Variants in ODAD2 observed in about 807,000 individuals in gnomAD.
ODAD2 encodes the protein outer dynein arm docking complex subunit 2, also known as outer dynein arm-docking complex subunit 2.
Under a neutral mutation model 106.8 loss-of-function variants are expected in ODAD2, and 89 were observed. That is an observed-to-expected ratio of 0.83 (90% CI 0.70 to 0.99). The LOEUF is 0.99. Ranked by LOEUF, ODAD2 falls within the 50% of genes least tolerant of loss-of-function variation. The pLI is 0.00. For synonymous variants in ODAD2, 404 were observed against 436.2 expected, an observed-to-expected ratio of 0.93 and a Z score of 0.92; for missense variants, 1,168 against 1,238.5, an observed-to-expected ratio of 0.94 and a Z score of 0.85.
chr10:27,859,715 C>T (rs1485775429), intron 19 of ODAD2, among the ~76,000 whole-genome samples: 1 of 152,152 alleles, frequency 6.6e-6, no homozygotes, highest in Non-Finnish European at 1.5e-5. Context: ...TACATGTGAG[C>T]TGTTCATGTA....
chr10:27,906,737 A>G (rs1051352254), intron 17 of ODAD2, among the ~76,000 whole-genome samples: 2 of 152,172 alleles, frequency 1.3e-5, no homozygotes, highest in Admixed American at 1.3e-4. Flanking sequence ...GCTGGAAACC[A>G]TCATTCTCAG....
chr10:27,909,817 G>GAAAAAAAAAAAAAAAAA (rs35449629), intron 16 of ODAD2, among the ~76,000 whole-genome samples: 4 of 56,384 alleles, frequency 7.1e-5, no homozygotes, highest in South Asian at 7.4e-4. Context: ...GTCTTCATTT[G>GAAAAAAAAAAAAAAAAA]AAAAAAAAAA....
chr10:27,987,366 G>A lies in ODAD2; in HGVS notation c.382+20C>T. Reference sequence around the variant, plus strand: ...ATTGTTTCTAAAAGTTCAAATCACAGACTGGAGCATTAAGATCACCTTCAA... The same window carrying A: ...ATTGTTTCTAAAAGTTCAAATCACAAACTGGAGCATTAAGATCACCTTCAA... On this transcript the variant is annotated intron_variant, in intron 3 of 19. Transcript: ENST00000305242. 6.2e-7 allele frequency: 1 copy of A among 1,605,256 alleles called. No homozygotes were observed. Among genetic ancestry groups the A allele is most frequent in the Non-Finnish European group, 8.5e-7 (1 of 1,175,742 alleles).
At chr10:27,942,825 C>T (rs1217268542) in intron 12 of ODAD2, among the ~76,000 whole-genome samples, 1 of 152,166 alleles carries the variant, frequency 6.6e-6, no homozygotes. Context: ...CATATTTCAC[C>T]ATCTATTCAT....
chr10:27,879,041 C>T (rs1290311061), intron 17 of ODAD2, among the ~76,000 whole-genome samples: 3 of 151,966 alleles, frequency 2.0e-5, no homozygotes, highest in South Asian at 2.1e-4. Flanking sequence ...AAATGCATTA[C>T]GTGTTGAGGG....
intron 16 of ODAD2, among the ~76,000 whole-genome samples, 195 bp downstream of exon 16, chr10:27,934,815 T>G (rs2134082813): frequency 6.6e-6 from 1 of 152,298 alleles, no homozygotes; most frequent in East Asian, 1.9e-4. Context: ...ATGACCAACT[T>G]AGCCCTCCAT....
At chr10:27,834,373 G>A (rs543665779) in intron 19 of ODAD2, among the ~76,000 whole-genome samples, 3 of 152,152 alleles carry the variant, frequency 2.0e-5, no homozygotes, top group Non-Finnish European at 2.9e-5. Flanking sequence ...TACAACCCGT[G>A]ACACCACAGG....
intron 17 of ODAD2, 121 bp from the exon 18 acceptor site, chr10:27,862,743 CTTAAT>C (rs1461880816): frequency 1.4e-5 from 8 of 569,790 alleles, no homozygotes; most frequent in African/African-American, 1.9e-5. Context: ...ACTACTTCAA[CTTAAT>C]TTATTTCTAT....
chr10:27,874,226 C>G (rs1841140774), intron 17 of ODAD2, among the ~76,000 whole-genome samples: 1 of 152,102 alleles, frequency 6.6e-6, no homozygotes, highest in African/African-American at 2.4e-5. Context: ...TCCTCCATAC[C>G]TTTATTTTGA....
intron 16 of ODAD2, among the ~76,000 whole-genome samples, chr10:27,929,154 A>C (rs1845448102): frequency 6.6e-6 from 1 of 152,170 alleles, no homozygotes; most frequent in South Asian, 2.1e-4. Context: ...AAATGACCCC[A>C]AAATCCTACC....
chr10:27,990,925 T>C lies in ODAD2; in HGVS notation c.225-3382A>G, dbSNP rs1265518077. Among the ~76,000 whole-genome samples the C allele has an allele frequency of 3.3e-5, 5 of 152,292 alleles. No homozygotes were observed. The South Asian group carries it at 1.0e-3, about 32-fold the overall frequency. ...AAAATATGGCAATATTATAGCACAT[T>C]TGATTCAAAATCATACTGTAGTTCT... On this transcript the variant is annotated intron_variant, in intron 2 of 19. Transcript: ENST00000305242.
At chr10:27,875,388 T>C (rs1392709861) in intron 17 of ODAD2, among the ~76,000 whole-genome samples, 1 of 152,188 alleles carries the variant, frequency 6.6e-6, no homozygotes, top group Non-Finnish European at 1.5e-5. Context: ...CTTTGTTCCG[T>C]TGCTGGAGAG....
intron 17 of ODAD2, among the ~76,000 whole-genome samples, chr10:27,897,732 G>T (rs1842948344): frequency 6.6e-6 from 1 of 152,154 alleles, no homozygotes; most frequent in African/African-American, 2.4e-5. Context: ...CCTGGTGAGA[G>T]ATGTGATCAA....
intron 7 of ODAD2, among the ~76,000 whole-genome samples, chr10:27,972,600 A>G (rs1237627778): frequency 1.3e-5 from 2 of 152,184 alleles, no homozygotes; most frequent in Non-Finnish European, 2.9e-5. Context: ...TATGCAAACA[A>G]TAATCAAAAG....
intron 19 of ODAD2, among the ~76,000 whole-genome samples, chr10:27,838,393 T>C (rs934913053): frequency 4.6e-5 from 7 of 152,224 alleles, no homozygotes; most frequent in East Asian, 1.9e-4. Context: ...ATTAATATAA[T>C]GGATTTTTTT....
chr10:27,901,374 G>A (rs1843187313), intron 17 of ODAD2, among the ~76,000 whole-genome samples: 1 of 152,152 alleles, frequency 6.6e-6, no homozygotes, highest in Non-Finnish European at 1.5e-5. Flanking sequence ...AAATTGTAAA[G>A]ACCATCAACA....
chr10:27,882,766 T>C (rs752067812), intron 17 of ODAD2, among the ~76,000 whole-genome samples: 2 of 152,108 alleles, frequency 1.3e-5, no homozygotes, highest in Non-Finnish European at 2.9e-5. Context: ...CAGAATAGGT[T>C]TGGAGCCCCA....
intron 7 of ODAD2, among the ~76,000 whole-genome samples, chr10:27,978,668 TG>T (rs1016420185): frequency 6.6e-6 from 1 of 151,918 alleles, no homozygotes; most frequent in African/African-American, 2.4e-5. Flanking sequence ...GGTGTGCACC[TG>T]GAATCCCAGC....
At chr10:27,947,693 A>C (rs993631457) in intron 10 of ODAD2, among the ~76,000 whole-genome samples, 1 of 152,200 alleles carries the variant, frequency 6.6e-6, no homozygotes, top group African/African-American at 2.4e-5. Flanking sequence ...CAAACCAAGT[A>C]CTTCAGCAAG....
Sources: allele counts gnomAD v4.1 joint callset (sites outside exome capture counted in the v4.1 genomes callset), GRCh38; gene constraint gnomAD v4.1.1; transcripts MANE v1.5; gene names NCBI Gene and HGNC (gene_info 2026-07-23, HGNC 2026-07-21).